The following NME4 variants were observed in gnomAD, a reference collection of about 807,000 sequenced individuals.
NME4 encodes NME/NM23 nucleoside diphosphate kinase 4, also known as nucleoside diphosphate kinase D, mitochondrial.
In NME4, 21 loss-of-function variants were observed where a neutral mutation model predicts 16.4. That is an observed-to-expected ratio of 1.28 (90% CI 0.91 to 1.84). The LOEUF is 1.84. Ranked by LOEUF, NME4 falls within the 40% of genes most tolerant of loss-of-function variation. NME4 has a pLI of 0.00. For missense variants in NME4, 316 were observed against 261.3 expected, an observed-to-expected ratio of 1.21 and a Z score of -1.44; for synonymous variants, 132 against 107.5, an observed-to-expected ratio of 1.23 and a Z score of -1.41.
At position 397,277 on chromosome 16, in the gene NME4, G is replaced by A; in HGVS notation, c.55G>A (p.Ala19Thr). The A allele has an allele frequency of 5.7e-6, 6 of 1,057,700 alleles. No individual in the cohort carries two copies. Among genetic ancestry groups the A allele is most frequent in the Non-Finnish European group, 6.8e-6 (6 of 878,796 alleles). 65.5% of individuals were successfully genotyped at this position (1,057,700 alleles called of 1,614,324 possible). ...GCGGGGGCTGCGCTGCGGCCCGCGG[G>A]CCCCGGGCCCGAGCCTGCTAGTGCG... ...ALRGLRCGPR[A>T]PGPSLLVRHG... Residue 19 changes from alanine to threonine, a missense_variant, in exon 1 of 5, where the codon GCC (alanine) becomes ACC (threonine). Coordinates refer to ENST00000219479, the MANE Select transcript of NME4 (RefSeq NM_005009.3).
In NME4 at chr16:399,881, C is replaced by A. The variant is rs147327469; in HGVS notation, c.440+142C>A. 33 of 700,630 alleles carry A rather than the reference C, an allele frequency of 4.7e-5. No homozygotes were observed. The East Asian group carries it at 8.3e-4, about 18-fold the overall frequency. The allele number at this position is 700,630 out of a possible 1,614,324, so 43.4% of individuals were successfully genotyped here. A position where few individuals can be genotyped will look rare whatever the true frequency, so the allele number is the denominator to read the frequency against. On this transcript the variant is annotated intron_variant, in intron 4 of 4. Transcript: ENST00000219479. ...ACATGACAGCTCACACTGGTGAGAG[C>A]CGTGTTCTCCCAGGGCACACAGGGC...
intron 3 of NME4, 62 bp downstream of exon 3, chr16:399,542 C>T (rs959997143): frequency 8.2e-6 from 13 of 1,594,364 alleles, no homozygotes; most frequent in Non-Finnish European, 1.0e-5. Context: ...TGTGTCTTTC[C>T]CCCCAGCAAA....
At chr16:397,844 C>G (rs1290032586) in intron 1 of NME4, 4 of 1,543,760 alleles carry the variant, frequency 2.6e-6, no homozygotes, top group Non-Finnish European at 3.5e-6. Flanking sequence ...CCCGGCCCCC[C>G]CAGCTGCCAC....
At chr16:397,815 G>A in intron 1 of NME4, 1 of 1,527,876 alleles carries the variant, frequency 6.5e-7, no homozygotes, top group Non-Finnish European at 8.8e-7. Context: ...CAGGCCCCAA[G>A]TCCCCGGCCC....
chr16:400,662 CTAATT>C lies in NME4; in HGVS notation c.*321_*325del, dbSNP rs879667583. The stretch of plus-strand genomic sequence containing the variant: ...CTGTGCCCAGCACATGGGTGGTACA[CTAATT>C]ATGACTTCCCCCAGCTCTGAGGTAG... On this transcript the variant is annotated 3_prime_UTR_variant, in exon 5 of 5. Transcript: ENST00000219479. The C allele has an allele frequency of 1.7e-5, 5 of 300,826 alleles. No homozygotes were observed. Among genetic ancestry groups the C allele is most frequent in the Non-Finnish European group, 3.1e-5 (5 of 162,160 alleles). The allele number at this position is 300,826 out of a possible 1,614,324, so 18.6% of individuals were successfully genotyped here. A position where few individuals can be genotyped will look rare whatever the true frequency, so the allele number is the denominator to read the frequency against.
intron 4 of NME4, chr16:400,009 C>A: frequency 1.3e-6 from 1 of 765,464 alleles, no homozygotes; most frequent in Non-Finnish European, 2.1e-6. Flanking sequence ...ATGAGGCTCC[C>A]AAAAGCTGGG....
At chr16:398,229 G>A in intron 1 of NME4, 2 of 1,438,108 alleles carry the variant, frequency 1.4e-6, no homozygotes, top group Non-Finnish European at 1.9e-6. Flanking sequence ...GAGGAGGACG[G>A]CTGGGGCGGA....
In NME4 at chr16:399,006, C is replaced by G; in HGVS notation, c.108C>G (p.Thr36=). 6.2e-7 allele frequency: 1 copy of G among 1,610,242 alleles called. No homozygotes were observed. The highest frequency in any genetic ancestry group is 8.5e-7 in the Non-Finnish European group (1 of 1,179,876). The part of the protein sequence containing the change: ...VRHGSGGPSW[T]RERTLVAVKP... ...CTTTTGAAGGAGGGCCCTCCTGGAC[C>G]CGGGAGCGGACCCTGGTGGCGGTGA... is the stretch of plus-strand genomic sequence containing the variant. The change falls in exon 2 of 5, where the codon ACC becomes ACG. Residue 36 remains threonine, a synonymous_variant. Coordinates refer to ENST00000219479, the MANE Select transcript of NME4 (RefSeq NM_005009.3).
intron 1 of NME4, chr16:398,139 G>T: frequency 6.5e-7 from 1 of 1,530,954 alleles, no homozygotes; most frequent in Non-Finnish European, 8.8e-7. Flanking sequence ...CCCGATGCCG[G>T]AGGGTAGCTT....
At chr16:398,057 T>G (rs1194760024) in intron 1 of NME4, 1 of 1,529,104 alleles carries the variant, frequency 6.5e-7, no homozygotes, top group Admixed American at 2.0e-5. Context: ...CCTCCTGGCC[T>G]GGCGGAGCCC....
At position 399,664 on chromosome 16, in the gene NME4, C is replaced by CCAT. The variant is rs771853929; in HGVS notation, c.366_368dup (p.Ala122_Met123insIle). ...TACAATGTCGTCCGCGCCTCGAGGG[C>CCAT]CATGATTGGACACACCGACTCGGCT... On this transcript the variant is annotated inframe_insertion, in exon 4 of 5. Transcript: ENST00000219479. The CCAT allele has an allele frequency of 3.7e-6, 6 of 1,613,068 alleles. No homozygotes were observed. In the African/African-American group the frequency reaches 8.0e-5, roughly 22 times the overall value.
At chr16:398,437 A>G (rs535377826) in intron 1 of NME4, 2 of 1,189,852 alleles carry the variant, frequency 1.7e-6, no homozygotes, top group Non-Finnish European at 2.1e-6. Flanking sequence ...CACCTCAGAC[A>G]CAGGGTGGGC....
intron 1 of NME4, 105 bp downstream of exon 1, chr16:397,418 A>C (rs994875678): frequency 1.5e-4 from 51 of 331,654 alleles, no homozygotes; most frequent in African/African-American, 1.1e-3. Context: ...ACTCCCCCAG[A>C]GGCCTCGGGG....
Position 399,036 on chromosome 16 carries a change from C to G in NME4, c.138C>G (p.Pro46=). ...AGCGGACCCTGGTGGCGGTGAAGCC[C>G]GATGGCGTGCAACGGCGGCTCGTTG... is the stretch of plus-strand genomic sequence containing the variant. ...TRERTLVAVK[P]DGVQRRLVGD... The change falls in exon 2 of 5, where the codon CCC becomes CCG. Residue 46 remains proline, a synonymous_variant. Coordinates refer to ENST00000219479, the MANE Select transcript of NME4 (RefSeq NM_005009.3). 1 of 1,609,074 alleles carries G rather than the reference C, an allele frequency of 6.2e-7. No individual in the cohort carries two copies. Among genetic ancestry groups the G allele is most frequent in the Non-Finnish European group, 8.5e-7 (1 of 1,179,762 alleles).
chr16:399,977 G>A (rs62030825), intron 4 of NME4: 13 of 675,480 alleles, frequency 1.9e-5, no homozygotes, highest in Non-Finnish European at 3.1e-5. Context: ...CAAGGGGTTG[G>A]CACGGGGCAA....
Position 399,616 on chromosome 16 carries a change from T to A in NME4, c.328-11T>A. The A allele has an allele frequency of 1.2e-6, 2 of 1,611,480 alleles. No individual in the cohort carries two copies. The highest frequency in any genetic ancestry group is 1.7e-6 in the Non-Finnish European group (2 of 1,178,476). On this transcript the variant is annotated splice_polypyrimidine_tract_variant and intron_variant, in intron 3 of 4. Transcript: ENST00000219479. ...TCCCCACTTCTCCCCAACCATTATCTCTCGCTGCAGGTCTGGGAAGGGTAC... is the reference window on the plus strand; with the variant it reads ...TCCCCACTTCTCCCCAACCATTATCACTCGCTGCAGGTCTGGGAAGGGTAC...
In NME4 at chr16:399,097, A is replaced by C. The variant is rs754729793; in HGVS notation, c.199A>C (p.Thr67Pro). 3.1e-6 allele frequency: 5 copies of C among 1,596,828 alleles called. No individual in the cohort carries two copies. In the African/African-American group the frequency reaches 5.3e-5, roughly 17 times the overall value. ...CCAGCGCTTTGAGAGGCGGGGCTTC[A>C]CGCTGGTGGGGATGAAGATGCTGCA... ...VIQRFERRGF[T>P]LVGMKMLQAP... Residue 67 changes from threonine to proline, a missense_variant, in exon 2 of 5, where the codon ACG (threonine) becomes CCG (proline). By Grantham distance (38) the Thr-to-Pro change is conservative (BLOSUM62 -1). Coordinates refer to ENST00000219479, the MANE Select transcript of NME4 (RefSeq NM_005009.3).
rs758493840 is a variant in NME4 at position 400,334 on chromosome 16, C to G, written c.556C>G (p.Pro186Ala). Residue 186 changes from proline to alanine, a missense_variant, in exon 5 of 5, where the codon CCA becomes GCA. Pro to Ala is a conservative substitution (Grantham distance 27, BLOSUM62 -1). Transcript: ENST00000219479. ...ADGGQHSSIH[P>A]A ...CGGGGGCCAGCACAGCAGCATCCAC[C>G]CAGCCTGAGGCTCAAGCTGCCCTTA... The G allele has an allele frequency of 6.2e-7, 1 of 1,602,328 alleles. No individual in the cohort carries two copies. The highest frequency in any genetic ancestry group is 8.5e-7 in the Non-Finnish European group (1 of 1,178,132).
At chr16:398,762 C>G (rs1352903975) in intron 1 of NME4, 1 of 616,910 alleles carries the variant, frequency 1.6e-6, no homozygotes, top group African/African-American at 1.8e-5. Context: ...AGCCATGGCC[C>G]CTGGGAGAGG....
Sources: gnomAD v4.1 joint callset for allele counts on GRCh38, gnomAD v4.1.1 for gene constraint, MANE v1.5 for transcripts, NCBI Gene and HGNC (gene_info 2026-07-23, HGNC 2026-07-21) for gene names.